The following PLEC variants were observed in gnomAD, a reference collection of about 807,000 sequenced individuals.
The protein encoded by PLEC is plectin.
PLEC carries 216 observed loss-of-function variants against 392.8 expected under a neutral mutation model. That is an observed-to-expected ratio of 0.55 (90% CI 0.49 to 0.62). The LOEUF is 0.62. Among genes scored for constraint, PLEC ranks in the 20% least tolerant of loss-of-function variants. The pLI is 0.00. For synonymous variants in PLEC, 3,621 were observed against 2,980.6 expected (o/e 1.21, Z -7.00); for missense variants, 6,863 against 6,563.4 (o/e 1.05, Z -1.58).
At position 143,916,901 on chromosome 8, in the gene PLEC, G is replaced by GTGA; in HGVS notation, c.12917_12919dup (p.Ile4306dup). 1 of 1,612,792 alleles carries GTGA rather than the reference G, an allele frequency of 6.2e-7. No individual in the cohort carries two copies. The highest frequency in any genetic ancestry group is 8.5e-7 in the Non-Finnish European group (1 of 1,179,900). On this transcript the variant is annotated inframe_insertion, in exon 32 of 32. Coordinates refer to ENST00000345136, the MANE Select transcript of PLEC (RefSeq NM_201384.3). ...CTGCGCCTCCAGCAGCCGCTGCCCC[G>GTGA]TGATGTTATCCACCAGGTTCCGGTG...
Position 143,932,923 on chromosome 8 carries a change from T to C in PLEC, c.1607A>G (p.Gln536Arg). Residue 536 changes from glutamine (Q) to arginine (R), a missense_variant, in exon 14 of 32, where the codon CAG becomes CGG. By Grantham distance (43) the Gln-to-Arg change is conservative (BLOSUM62 1). Coordinates refer to ENST00000345136, the MANE Select transcript of PLEC (RefSeq NM_201384.3). ...QDLLAWVEEN[Q>R]HRVDGAEWGV... is the part of the protein sequence containing the mutation. ...CCACTCAGCGCCATCCACACGGTGC[T>C]GGTTCTCCTCCACCCAGGCCAGCAG... 1.2e-6 allele frequency: 2 copies of C among 1,612,686 alleles called. No individual in the cohort carries two copies. Among genetic ancestry groups the C allele is most frequent in the Non-Finnish European group, 1.7e-6 (2 of 1,179,932 alleles).
chr8:143,945,227 G>T, intron 1 of PLEC: 1 of 491,164 alleles, frequency 2.0e-6, no homozygotes, highest in Non-Finnish European at 4.1e-6. Flanking sequence ...AGAGACCCAG[G>T]CAGCCCGAAA....
intron 1 of PLEC, among the ~76,000 whole-genome samples, chr8:143,962,294 G>A (rs1196547240): frequency 6.6e-6 from 1 of 152,230 alleles, no homozygotes; most frequent in Non-Finnish European, 1.5e-5. Flanking sequence ...GGGCAGTGGA[G>A]TTGGAAGAGG....
intron 1 of PLEC, among the ~76,000 whole-genome samples, chr8:143,938,932 C>G (rs1829809084): frequency 6.6e-6 from 1 of 152,104 alleles, no homozygotes; most frequent in African/African-American, 2.4e-5. Flanking sequence ...GGACTCTTCC[C>G]CCGAGGAAAT....
In PLEC at chr8:143,919,396, G is replaced by A. The variant is rs782809989; in HGVS notation, c.10425C>T (p.Ile3475=). 2.2e-5 allele frequency: 35 copies of A among 1,613,354 alleles called. No individual in the cohort carries two copies. The highest frequency in any genetic ancestry group is 5.0e-5 in the Admixed American group (3 of 59,992). Residue 3475 remains isoleucine (I), a synonymous_variant, in exon 32 of 32, where the codon ATC becomes ATT. Transcript: ENST00000345136. ...LEAQIATGGI[I]DPVHSHRVPV... ...GCACGCGGTGGCTGTGCACGGGGTC[G>A]ATGATGCCGCCCGTGGCGATCTGGG...
chr8:143,933,924 G>A (rs1289471609), intron 12 of PLEC, 74 bp downstream of exon 12: 5 of 1,354,418 alleles, frequency 3.7e-6, no homozygotes, highest in Admixed American at 1.9e-5. Context: ...GCCCCCTCCT[G>A]GCTTTAGGGC....
At position 143,927,088 on chromosome 8, in the gene PLEC, C is replaced by T; in HGVS notation, c.3841-7G>A. On this transcript the variant is annotated splice_polypyrimidine_tract_variant and splice_region_variant and intron_variant, in intron 28 of 31. Transcript: ENST00000345136. ...CCAGCTGGAGTTCATAGTCCTGTGG[C>T]AATGCACTGCGGTCAGCCACCAGCT... The T allele has an allele frequency of 1.2e-6, 2 of 1,607,684 alleles. No homozygotes were observed. Among genetic ancestry groups the T allele is most frequent in the Non-Finnish European group, 1.7e-6 (2 of 1,177,854 alleles).
chr8:143,917,851 A>G lies in PLEC; in HGVS notation c.11970T>C (p.Ala3990=), dbSNP rs782769683. The part of the protein sequence containing the change: ...IKGLKLTVEE[A]VRMGIVGPEF... ...CGGGGCCCACAATGCCCATACGCAC[A>G]GCCTCCTCCACCGTCAGCTTCAGTC... Residue 3990 remains alanine, a synonymous_variant, in exon 32 of 32, where the codon GCT becomes GCC. Coordinates refer to ENST00000345136, the MANE Select transcript of PLEC (RefSeq NM_201384.3). 1 of 1,613,192 alleles carries G rather than the reference A, an allele frequency of 6.2e-7. No individual in the cohort carries two copies. Among genetic ancestry groups the G allele is most frequent in the Non-Finnish European group, 8.5e-7 (1 of 1,179,978 alleles).
upstream of PLEC, chr8:143,973,619 G>C (rs1402528283): frequency 1.3e-6 from 1 of 774,870 alleles, no homozygotes; most frequent in Non-Finnish European, 1.6e-6. This position sits in a 1 kb window ranked among gnomAD's most constrained non-coding sequence, Gnocchi z 5.6. Context: ...CGGGCGGGGC[G>C]GGGCCGGGGC....
chr8:143,957,054 G>A (rs1832631733), upstream of PLEC, among the ~76,000 whole-genome samples: 1 of 152,196 alleles, frequency 6.6e-6, no homozygotes, highest in Non-Finnish European at 1.5e-5. Flanking sequence ...AGGTGGAGGT[G>A]GCTGCAGCCG....
exon 1 of PLEC, chr8:143,950,734 G>A: frequency 6.5e-7 from 1 of 1,546,508 alleles, no homozygotes; most frequent in African/African-American, 1.4e-5. Context: ...AGTCAGTGCG[G>A]GGGCAAAGGC....
intron 6 of PLEC, among the ~76,000 whole-genome samples, chr8:143,935,594 CCA>C (rs1188536277): frequency 7.2e-5 from 11 of 152,224 alleles, no homozygotes; most frequent in East Asian, 5.8e-4. Context: ...CCGGAGGCGT[CCA>C]CAGAGGGCAC....
chr8:143,937,721 G>A lies in PLEC; in HGVS notation c.264+430C>T, dbSNP rs529822074. The stretch of plus-strand genomic sequence containing the variant: ...CACGGTCTTGGGGAGCTCCCGTGCC[G>A]CTGCAGCCGGCAGGCACAGCCACTC... On this transcript the variant is annotated intron_variant, in intron 3 of 31. Transcript: ENST00000345136. 6.1e-5 allele frequency: 30 copies of A among 489,886 alleles called. 1 individual carries two copies. Among genetic ancestry groups the A allele is most frequent in the South Asian group, 4.2e-4 (27 of 64,830 alleles). 30.3% of individuals were successfully genotyped at this position (489,886 alleles called of 1,614,324 possible).
Position 143,924,805 on chromosome 8 carries a change from G to A in PLEC, c.5124C>T (p.Arg1708=). The A allele has an allele frequency of 5.2e-6, 8 of 1,538,816 alleles. No homozygotes were observed. Among genetic ancestry groups the A allele is most frequent in the Non-Finnish European group, 6.1e-6 (7 of 1,148,852 alleles). Residue 1708 remains arginine, a synonymous_variant, in exon 31 of 32, where the codon CGC becomes CGT. Transcript: ENST00000345136. ...RQLAEGTAQQ[R]LAAEQELIRL... is the part of the protein sequence containing the mutation. ...GGATCAACTCCTGCTCCGCGGCCAG[G>A]CGCTGCTGCGCGGTGCCTTCCGCCA...
Position 143,916,734 on chromosome 8 carries a change from G to C in PLEC, c.13087C>G (p.Arg4363Gly), listed in dbSNP as rs782348944. ...QKAFCGFEDPRTKTKMSAAQA... is the reference protein window; with the variant it reads ...QKAFCGFEDPGTKTKMSAAQA... ...GCGGCCGACATCTTGGTCTTGGTGC[G>C]TGGGTCCTCGAAGCCGCAGAAGGCC... Residue 4363 changes from arginine (R) to glycine (G), a missense_variant, in exon 32 of 32, where the codon CGC becomes GGC. Transcript: ENST00000345136. The C allele has an allele frequency of 6.2e-7, 1 of 1,613,120 alleles. No homozygotes were observed. The highest frequency in any genetic ancestry group is 1.7e-5 in the Admixed American group (1 of 60,022).
chr8:143,936,486 T>C (rs1829090970), intron 5 of PLEC, among the ~76,000 whole-genome samples: 1 of 152,138 alleles, frequency 6.6e-6, no homozygotes, highest in African/African-American at 2.4e-5. Flanking sequence ...GTGGGGCCTC[T>C]GGCAGCCTGG....
upstream of PLEC, among the ~76,000 whole-genome samples, chr8:143,951,862 T>A (rs782466753): frequency 1.6e-4 from 25 of 151,734 alleles, no homozygotes; most frequent in Non-Finnish European, 3.2e-4. Flanking sequence ...ACACCCATCA[T>A]CCACCCCCCC....
intron 1 of PLEC, among the ~76,000 whole-genome samples, chr8:143,966,161 A>G (rs1554742156): frequency 2.0e-5 from 3 of 152,104 alleles, no homozygotes; most frequent in Non-Finnish European, 2.9e-5. Context: ...CCCTGCTCCC[A>G]ACGTGGCCCT....
At position 143,919,434 on chromosome 8, in the gene PLEC, G is replaced by A. The variant is rs782515444; in HGVS notation, c.10387C>T (p.Arg3463Cys). Reference sequence around the variant, plus strand: ...GTGGCGATCTGGGCCTCCAGCAGGCGGATGCCGTGCTGCCGGAGAACCAGG... The same window carrying A: ...GTGGCGATCTGGGCCTCCAGCAGGCAGATGCCGTGCTGCCGGAGAACCAGG... Reference protein sequence around the residue: ...KGLVLRQHGIRLLEAQIATGG... With the variant: ...KGLVLRQHGICLLEAQIATGG... Residue 3463 changes from arginine to cysteine, a missense_variant, in exon 32 of 32, where the codon CGC becomes TGC. Arg to Cys is a radical substitution (Grantham distance 180, BLOSUM62 -3). Transcript: ENST00000345136. 1.5e-5 allele frequency: 24 copies of A among 1,613,198 alleles called. No homozygotes were observed. Among genetic ancestry groups the A allele is most frequent in the South Asian group, 8.8e-5 (8 of 91,054 alleles).
Sources: allele counts gnomAD v4.1 joint callset (sites outside exome capture counted in the v4.1 genomes callset), GRCh38; gene constraint gnomAD v4.1.1; non-coding constraint Gnocchi (gnomAD v3.1); transcripts MANE v1.5; gene names NCBI Gene and HGNC (gene_info 2026-07-23, HGNC 2026-07-21).